KAT6A: variants seen among roughly 807,000 people sequenced by gnomAD.
The protein encoded by KAT6A is histone acetyltransferase KAT6A.
Under a neutral mutation model 198.4 loss-of-function variants are expected in KAT6A, and 9 were observed. That is an observed-to-expected ratio of 0.05 (90% CI 0.03 to 0.08). The LOEUF (loss-of-function observed/expected upper bound fraction) is 0.08, where lower values mean the gene tolerates loss of function less well. KAT6A is among the 10% of genes least tolerant of loss of function. The probability of loss-of-function intolerance (pLI) is 1.00; values close to 1 mark genes in which losing one functional copy is unlikely to be tolerated. For synonymous variants in KAT6A, 890 were observed against 883.0 expected (o/e 1.01, Z -0.14); for missense variants, 2,077 against 2,509.9 (o/e 0.83, Z 3.69).
In KAT6A at chr8:42,048,436, C is replaced by G; in HGVS notation, c.542G>C (p.Ser181Thr). 1 of 1,612,956 alleles carries G rather than the reference C, an allele frequency of 6.2e-7. No individual in the cohort carries two copies. Among genetic ancestry groups the G allele is most frequent in the Non-Finnish European group, 8.5e-7 (1 of 1,178,918 alleles). ...AGGTAAACAGGAAAGAGACTCACAACTCTCTTTCCCATCCACGTTGGTTGC... is the reference window on the plus strand; with the variant it reads ...AGGTAAACAGGAAAGAGACTCACAAGTCTCTTTCCCATCCACGTTGGTTGC... The part of the protein sequence containing the change: ...TKATNVDGKE[S>T]CESLSCLPPV... The change falls in exon 2 of 17, where the codon AGT becomes ACT. Residue 181 changes from serine to threonine, a missense_variant. This residue lies in a region of KAT6A where 185 missense variants were observed against 185.7 expected (regional missense o/e 1.00). Transcript: ENST00000265713.
chr8:41,989,566 AT>A (rs953307174), intron 2 of KAT6A, among the ~76,000 whole-genome samples: 33 of 127,960 alleles, frequency 2.6e-4, no homozygotes, highest in African/African-American at 9.7e-4. Context: ...GTGACGTAAC[AT>A]AACATAACTA....
At chr8:41,947,598 C>CT (rs1175971968) in intron 11 of KAT6A, among the ~76,000 whole-genome samples, 153 bp downstream of exon 11, 3 of 152,170 alleles carry the variant, frequency 2.0e-5, no homozygotes, top group Non-Finnish European at 4.4e-5. Flanking sequence ...CTTCTAGCAC[C>CT]TGGTAAGTTT....
Position 41,949,469 on chromosome 8 carries a change from T to C in KAT6A, c.1599-106A>G, listed in dbSNP as rs920278281. The stretch of plus-strand genomic sequence containing the variant: ...CTCTCATTACTACCCAGGTAACAGG[T>C]TAAAAAAAAAACTGCATATGCAAAA... On this transcript the variant is annotated intron_variant, in intron 9 of 16. Transcript: ENST00000265713. The C allele has an allele frequency of 2.0e-5, 15 of 761,314 alleles. No individual in the cohort carries two copies. In the African/African-American group the frequency reaches 2.4e-4, roughly 12 times the overall value. 47.2% of individuals were successfully genotyped at this position (761,314 alleles called of 1,614,324 possible).
chr8:42,021,796 T>C (rs1382390060), intron 2 of KAT6A, among the ~76,000 whole-genome samples: 3 of 152,074 alleles, frequency 2.0e-5, no homozygotes, highest in East Asian at 1.9e-4. Flanking sequence ...GCTGGCTAAT[T>C]AGACACCTGT....
intron 8 of KAT6A, among the ~76,000 whole-genome samples, chr8:41,968,644 T>C (rs1823629040): frequency 6.6e-6 from 1 of 152,212 alleles, no homozygotes; most frequent in Non-Finnish European, 1.5e-5. Flanking sequence ...CAAAGGACTA[T>C]AAATCATGCT....
chr8:42,028,099 T>G (rs929486139), intron 2 of KAT6A, among the ~76,000 whole-genome samples: 1 of 152,232 alleles, frequency 6.6e-6, no homozygotes, highest in Admixed American at 6.5e-5. Flanking sequence ...TATTCCATTT[T>G]GGTCTAAGAA....
rs139106027 is a variant in KAT6A, at chr8:42,030,962, T to C, written c.600+17416A>G. ...TTGTTATGAAGTGCATGAGCATATATTGTTAAGTGGTGAGAAAAAAAAAGT... is the reference window on the plus strand; with the variant it reads ...TTGTTATGAAGTGCATGAGCATATACTGTTAAGTGGTGAGAAAAAAAAAGT... On this transcript the variant is annotated intron_variant, in intron 2 of 16. Transcript: ENST00000265713. 8.6e-3 allele frequency among the ~76,000 whole-genome samples: 1,236 copies of C among 144,202 alleles called. 15 individuals carry two copies. The highest frequency in any genetic ancestry group is 0.031 in the African/African-American group (1,196 of 38,706). The allele number at this position is 144,202 out of a possible 152,430, so 94.6% of individuals were successfully genotyped here.
rs7006698 is a variant in KAT6A at position 42,049,176 on chromosome 8, A to C, written c.-199T>G. 3.8e-6 allele frequency: 2 copies of C among 531,082 alleles called. No homozygotes were observed. Among genetic ancestry groups the C allele is most frequent in the African/African-American group, 1.9e-5 (1 of 52,516 alleles). 32.9% of individuals were successfully genotyped at this position (531,082 alleles called of 1,614,324 possible). On this transcript the variant is annotated 5_prime_UTR_variant, in exon 2 of 17. Coordinates refer to ENST00000265713, the MANE Select transcript of KAT6A (RefSeq NM_006766.5). The stretch of plus-strand genomic sequence containing the variant: ...CTATAGAAACCAAAACAACCTGTTG[A>C]TTGAAATGTCTTCCAACTTCCCAAT...
At chr8:42,024,861 G>C (rs1358183805) in intron 2 of KAT6A, among the ~76,000 whole-genome samples, 1 of 152,060 alleles carries the variant, frequency 6.6e-6, no homozygotes, top group Non-Finnish European at 1.5e-5. Context: ...TAGATACTTA[G>C]GTTGATTCCA....
chr8:41,977,710 A>G (rs1370990817), intron 6 of KAT6A, among the ~76,000 whole-genome samples: 5 of 152,364 alleles, frequency 3.3e-5, no homozygotes, highest in African/African-American at 1.2e-4. Context: ...GTTCTACTAC[A>G]CTGTGATCTC....
chr8:42,047,506 T>C (rs1383771847), intron 2 of KAT6A, among the ~76,000 whole-genome samples: 1 of 152,090 alleles, frequency 6.6e-6, no homozygotes, highest in Non-Finnish European at 1.5e-5. Context: ...CTCAGACACC[T>C]GTACTCAAGC....
At chr8:41,951,478 G>A (rs1822666451) in intron 9 of KAT6A, among the ~76,000 whole-genome samples, 1 of 152,206 alleles carries the variant, frequency 6.6e-6, no homozygotes, top group African/African-American at 2.4e-5. Flanking sequence ...TAGTTATAAA[G>A]ATTATGAATA....
chr8:42,019,590 CA>C (rs1826434233), intron 2 of KAT6A, among the ~76,000 whole-genome samples: 1 of 152,138 alleles, frequency 6.6e-6, no homozygotes, highest in Non-Finnish European at 1.5e-5. Flanking sequence ...ACTACTCTGC[CA>C]AATTCACACG....
At chr8:42,013,966 G>A (rs773443221) in intron 2 of KAT6A, among the ~76,000 whole-genome samples, 19 of 152,264 alleles carry the variant, frequency 1.2e-4, no homozygotes, top group African/African-American at 3.4e-4. Context: ...AGTCTGCCGC[G>A]GTACCGTGAA....
Position 41,929,940 on chromosome 8 carries a change from TAGA to T in KAT6A, c.*2262_*2264del, listed in dbSNP as rs576924246. On this transcript the variant is annotated 3_prime_UTR_variant, in exon 17 of 17. Coordinates refer to ENST00000265713, the MANE Select transcript of KAT6A (RefSeq NM_006766.5). ...ACAGTGAGTTTTTAAATTTCTTTTT[TAGA>T]AGATTACCCAAGTTATCTTGCTAAA... The T allele has an allele frequency of 4.4e-3, 970 of 218,372 alleles. 5 individuals carry two copies. The highest frequency in any genetic ancestry group is 0.036 in the South Asian group (196 of 5,412). The allele number at this position is 218,372 out of a possible 1,614,324, so 13.5% of individuals were successfully genotyped here. A position where few individuals can be genotyped will look rare whatever the true frequency, so the allele number is the denominator to read the frequency against.
Position 41,943,440 on chromosome 8 carries a change from T to C in KAT6A, c.2228+308A>G, listed in dbSNP as rs576272669. ...GGGCATTTTATTTAATGACTGTTTC[T>C]AGAGTGGTTACTTCTTGTATTGTGA... On this transcript the variant is annotated intron_variant, in intron 13 of 16. Transcript: ENST00000265713. Among the ~76,000 whole-genome samples the C allele has an allele frequency of 8.5e-5, 13 of 152,326 alleles. No homozygotes were observed. In the East Asian group the frequency reaches 2.5e-3, roughly 29 times the overall value.
rs528672401 is a variant in KAT6A, at chr8:41,931,628, TTAATAATAA to T, written c.*568_*576del. 6.4e-5 allele frequency: 12 copies of T among 186,432 alleles called. No individual in the cohort carries two copies. The highest frequency in any genetic ancestry group is 1.1e-4 in the Non-Finnish European group (10 of 88,710). The allele number at this position is 186,432 out of a possible 1,614,324, so 11.5% of individuals were successfully genotyped here. On this transcript the variant is annotated 3_prime_UTR_variant, in exon 17 of 17. Coordinates refer to ENST00000265713, the MANE Select transcript of KAT6A (RefSeq NM_006766.5). ...AGAAGCATTTTCCTGCCTCACTTTA[TTAATAATAA>T]TAATAATAATATTAACAATAATAAT... is the stretch of plus-strand genomic sequence containing the variant.
chr8:41,932,400 A>G lies in KAT6A; in HGVS notation c.5820T>C (p.Pro1940=), dbSNP rs1821594150. The change falls in exon 17 of 17, where the codon CCT becomes CCC. Residue 1940 remains proline (P), a synonymous_variant. Transcript: ENST00000265713. ...ACTGTGCTGTCTGGTTCATGTAGGCAGGGTTACTATGGTAACTGCTGTTCA... is the reference window on the plus strand; with the variant it reads ...ACTGTGCTGTCTGGTTCATGTAGGCGGGGTTACTATGGTAACTGCTGTTCA... ...PMMNSSYHSN[P]AYMNQTAQYP... 1 of 1,614,126 alleles carries G rather than the reference A, an allele frequency of 6.2e-7. No homozygotes were observed. The highest frequency in any genetic ancestry group is 1.1e-5 in the South Asian group (1 of 91,088).
chr8:41,939,569 T>C (rs1021917249), intron 15 of KAT6A, among the ~76,000 whole-genome samples: 1 of 152,126 alleles, frequency 6.6e-6, no homozygotes, highest in Non-Finnish European at 1.5e-5. Context: ...TGCCAACAGG[T>C]ACCCTTTAAT....
Sources: allele counts gnomAD v4.1 joint callset (sites outside exome capture counted in the v4.1 genomes callset), GRCh38; gene constraint gnomAD v4.1.1; regional missense constraint gnomAD v4.1.1; transcripts MANE v1.5; gene names NCBI Gene and HGNC (gene_info 2026-07-23, HGNC 2026-07-21).